The following ARHGAP15 variants were observed in gnomAD, a reference collection of about 807,000 sequenced individuals.
ARHGAP15 encodes Rho GTPase activating protein 15.
ARHGAP15 carries 51 observed loss-of-function variants against 63.7 expected under a neutral mutation model. The observed-to-expected ratio is 0.80, with a 90% CI of 0.64 to 1.01. The LOEUF (loss-of-function observed/expected upper bound fraction) is 1.01. Ranked by LOEUF, ARHGAP15 falls within the 50% of genes least tolerant of loss-of-function variation. The pLI is 0.00. For synonymous variants in ARHGAP15, 191 were observed against 193.8 expected (o/e 0.99, Z 0.12); for missense variants, 560 against 564.6 (o/e 0.99, Z 0.08).
At chr2:143,153,868 TCCTCTTCCTCC>T (rs1689966762) in intron 1 of ARHGAP15, among the ~76,000 whole-genome samples, 1 of 83,564 alleles carries the variant, frequency 1.2e-5, no homozygotes, top group African/African-American at 3.4e-5. Flanking sequence ...CTCCTCCTCC[TCCTCTTCCTCC>T]TCCTCCTCCT....
chr2:143,673,784 A>ATG (rs71404481), intron 12 of ARHGAP15, among the ~76,000 whole-genome samples: 13 of 114,210 alleles, frequency 1.1e-4, no homozygotes, highest in African/African-American at 3.7e-4. Flanking sequence ...ATATATATAT[A>ATG]AACAACTCCT....
intron 4 of ARHGAP15, among the ~76,000 whole-genome samples, chr2:143,224,758 C>T (rs571604435): frequency 6.6e-6 from 1 of 152,284 alleles, no homozygotes; most frequent in Non-Finnish European, 1.5e-5. Flanking sequence ...CCAGAGCTGA[C>T]AATGCCTTAC....
At chr2:143,667,645 G>A (rs962886868) in intron 12 of ARHGAP15, among the ~76,000 whole-genome samples, 4 of 150,556 alleles carry the variant, frequency 2.7e-5, no homozygotes, top group African/African-American at 7.3e-5. Context: ...TTAATCTTTG[G>A]GAAAATGCAA....
chr2:143,233,093 T>C (rs905408310), intron 5 of ARHGAP15, among the ~76,000 whole-genome samples: 6 of 152,206 alleles, frequency 3.9e-5, no homozygotes, highest in Non-Finnish European at 5.9e-5. Flanking sequence ...GTTATTACCA[T>C]CTGGTGTTTT....
intron 6 of ARHGAP15, among the ~76,000 whole-genome samples, chr2:143,328,247 A>T (rs1341336393): frequency 6.6e-6 from 1 of 152,220 alleles, no homozygotes; most frequent in Non-Finnish European, 1.5e-5. Context: ...TACTGAGTAT[A>T]TACCCAATTA....
intron 6 of ARHGAP15, among the ~76,000 whole-genome samples, chr2:143,362,907 C>T (rs1487655954): frequency 1.3e-5 from 2 of 152,216 alleles, no homozygotes; most frequent in Non-Finnish European, 2.9e-5. Flanking sequence ...CTCTGGACTA[C>T]TATAGTAAGC....
At position 143,536,330 on chromosome 2, in the gene ARHGAP15, C is replaced by T. The variant is rs184757127; in HGVS notation, c.925+16966C>T. On this transcript the variant is annotated intron_variant, in intron 10 of 13. Coordinates refer to ENST00000295095, the MANE Select transcript of ARHGAP15 (RefSeq NM_018460.4). ...ATTTTTCTGTTCCTGGTTTATTTCA[C>T]TTAGCATAACGTCCTCCATGTTCAT... Among the ~76,000 whole-genome samples, 10 of 152,218 alleles carry T rather than the reference C, an allele frequency of 6.6e-5. No individual in the cohort carries two copies. The East Asian group carries it at 1.9e-3, about 29-fold the overall frequency.
chr2:143,371,110 A>G (rs973288280), intron 6 of ARHGAP15, among the ~76,000 whole-genome samples: 5 of 152,190 alleles, frequency 3.3e-5, no homozygotes, highest in African/African-American at 1.2e-4. Flanking sequence ...TACTTTTGAA[A>G]AAGAATATTA....
chr2:143,410,630 A>G (rs1028973919), intron 6 of ARHGAP15, among the ~76,000 whole-genome samples: 2 of 152,290 alleles, frequency 1.3e-5, no homozygotes, highest in East Asian at 3.9e-4. Context: ...CTCTGCTCCC[A>G]TGGAGTTTAT....
intron 6 of ARHGAP15, among the ~76,000 whole-genome samples, chr2:143,271,642 A>AT (rs879390854): frequency 3.3e-5 from 5 of 152,152 alleles, no homozygotes; most frequent in East Asian, 1.9e-4. Context: ...CGCCCGGCTA[A>AT]TTTTTTTGTA....
intron 12 of ARHGAP15, among the ~76,000 whole-genome samples, chr2:143,629,322 A>G (rs1318641528): frequency 5.3e-5 from 8 of 152,140 alleles, no homozygotes; most frequent in Non-Finnish European, 1.0e-4. Context: ...GCAACTATTG[A>G]TCTGAAATTC....
chr2:143,229,649 G>A (rs571556367), intron 5 of ARHGAP15, among the ~76,000 whole-genome samples: 4 of 152,158 alleles, frequency 2.6e-5, no homozygotes, highest in Non-Finnish European at 2.9e-5. Flanking sequence ...GAAAGGGGTC[G>A]CCTGGCAGGA....
intron 11 of ARHGAP15, among the ~76,000 whole-genome samples, chr2:143,580,806 A>C (rs1273570257): frequency 1.3e-5 from 2 of 152,094 alleles, no homozygotes; most frequent in African/African-American, 4.8e-5. Flanking sequence ...TTGTCTTCCC[A>C]ACCAAAACCA....
At chr2:143,551,701 A>G (rs1695570957) in intron 10 of ARHGAP15, among the ~76,000 whole-genome samples, 1 of 152,202 alleles carries the variant, frequency 6.6e-6, no homozygotes, top group African/African-American at 2.4e-5. Flanking sequence ...TCCTAAGGGA[A>G]TCATTCTTAG....
intron 6 of ARHGAP15, among the ~76,000 whole-genome samples, chr2:143,372,185 A>AG (rs879837839): frequency 9.2e-5 from 14 of 151,686 alleles, no homozygotes; most frequent in Admixed American, 4.6e-4. Flanking sequence ...CGAAAAATAG[A>AG]GAAAAAAATA....
chr2:143,394,586 T>G (rs1687677133), intron 6 of ARHGAP15, among the ~76,000 whole-genome samples: 1 of 152,140 alleles, frequency 6.6e-6, no homozygotes, highest in Non-Finnish European at 1.5e-5. Context: ...CTTTAATGAC[T>G]AGTACTGTCT....
At chr2:143,157,688 T>A (rs1336199091) in intron 2 of ARHGAP15, among the ~76,000 whole-genome samples, 1 of 151,656 alleles carries the variant, frequency 6.6e-6, no homozygotes, top group East Asian at 2.0e-4. Context: ...GCCATGGCAC[T>A]AATTTTCTTT....
intron 6 of ARHGAP15, among the ~76,000 whole-genome samples, chr2:143,428,463 G>A (rs1157511004): frequency 6.6e-6 from 1 of 151,766 alleles, no homozygotes; most frequent in Non-Finnish European, 1.5e-5. Context: ...AAGTTTCAGA[G>A]GGATCACTTT....
chr2:143,253,546 G>T (rs1006766613), intron 6 of ARHGAP15, among the ~76,000 whole-genome samples: 5 of 151,908 alleles, frequency 3.3e-5, no homozygotes, highest in African/African-American at 1.2e-4. Context: ...TTAAGTTTTG[G>T]TATTCAACAA....
Sources: allele counts gnomAD v4.1 joint callset (sites outside exome capture counted in the v4.1 genomes callset), GRCh38; gene constraint gnomAD v4.1.1; transcripts MANE v1.5; gene names NCBI Gene and HGNC (gene_info 2026-07-23, HGNC 2026-07-21).